The following MICU2 variants were observed in gnomAD, a reference collection of about 807,000 sequenced individuals.
The protein encoded by MICU2 is calcium uptake protein 2, mitochondrial.
In MICU2, 64 loss-of-function variants were observed where a neutral mutation model predicts 60.4. The ratio of observed to expected loss-of-function variants is 1.06; its 90% confidence interval spans 0.87 to 1.31. The LOEUF is 1.31. Among genes scored for constraint, MICU2 ranks in the 50% most tolerant of loss-of-function variants. The probability of loss-of-function intolerance (pLI) is 0.00; values close to 1 mark genes in which losing one functional copy is unlikely to be tolerated. For missense variants in MICU2, 569 were observed against 531.0 expected, an observed-to-expected ratio of 1.07 and a Z score of -0.70; for synonymous variants, 201 against 175.0, an observed-to-expected ratio of 1.15 and a Z score of -1.17.
At chr13:21,575,825 T>C (rs913282007) in intron 1 of MICU2, among the ~76,000 whole-genome samples, 22 of 149,764 alleles carry the variant, frequency 1.5e-4, no homozygotes, top group Non-Finnish European at 2.5e-4. Context: ...ATTGCAACTA[T>C]AACTAAATAA....
intron 1 of MICU2, among the ~76,000 whole-genome samples, chr13:21,577,318 G>A (rs1888247633): frequency 6.6e-6 from 1 of 152,158 alleles, no homozygotes; most frequent in Non-Finnish European, 1.5e-5. Flanking sequence ...AGCTAAGCAT[G>A]TAATATAGCC....
At chr13:21,550,847 A>G (rs1350668962) in intron 2 of MICU2, among the ~76,000 whole-genome samples, 2 of 152,188 alleles carry the variant, frequency 1.3e-5, no homozygotes, top group African/African-American at 4.8e-5. Context: ...ACCTAGACTA[A>G]TAGCTTATAT....
intron 2 of MICU2, among the ~76,000 whole-genome samples, chr13:21,562,681 C>T (rs538241311): frequency 1.4e-3 from 206 of 152,316 alleles, no homozygotes; most frequent in African/African-American, 4.8e-3. Flanking sequence ...ATTCCTCCCT[C>T]CTGTCCCTTA....
chr13:21,524,251 A>G (rs1294562972), intron 4 of MICU2, among the ~76,000 whole-genome samples: 1 of 152,174 alleles, frequency 6.6e-6, no homozygotes, highest in Admixed American at 6.5e-5. Context: ...GAATAATTAT[A>G]TATAATTATA....
At chr13:21,512,445 A>AT (rs139822285) in intron 7 of MICU2, among the ~76,000 whole-genome samples, 26,407 of 125,228 alleles carry the variant, frequency 0.21, 3,890 homozygotes, top group East Asian at 0.64. Context: ...CAAATTTTTA[A>AT]TTTTTTTTTT....
At chr13:21,587,825 T>C (rs1364707023) in intron 1 of MICU2, among the ~76,000 whole-genome samples, 1 of 152,170 alleles carries the variant, frequency 6.6e-6, no homozygotes, top group Non-Finnish European at 1.5e-5. Flanking sequence ...TACTTCAGAA[T>C]GGTAGTTATA....
At position 21,566,819 on chromosome 13, in the gene MICU2, TGAG is replaced by T. The variant is rs751491033; in HGVS notation, c.333_335del (p.Phe111_Ser112delinsLeu). On this transcript the variant is annotated inframe_deletion, in exon 2 of 12. Coordinates refer to ENST00000382374, the MANE Select transcript of MICU2 (RefSeq NM_152726.3). ...CACGTTCCATTTGCTCAAACATCAC[TGAG>T]AAGAGGAAGTCTCGTGGTGTCATAT... 2.8e-5 allele frequency: 45 copies of T among 1,597,836 alleles called. No individual in the cohort carries two copies. Among genetic ancestry groups the T allele is most frequent in the Non-Finnish European group, 3.7e-5 (43 of 1,173,084 alleles).
intron 1 of MICU2, among the ~76,000 whole-genome samples, chr13:21,571,440 G>A (rs1441203692): frequency 6.6e-6 from 1 of 152,200 alleles, no homozygotes; most frequent in Non-Finnish European, 1.5e-5. Flanking sequence ...GCTCACGCCT[G>A]TAATCCCAGC....
chr13:21,586,449 C>T (rs1218043601), intron 1 of MICU2, among the ~76,000 whole-genome samples: 2 of 152,118 alleles, frequency 1.3e-5, no homozygotes, highest in South Asian at 4.1e-4. Context: ...GGTCTGCCGT[C>T]TAGGCTAGAA....
At chr13:21,518,945 C>T (rs867211404) in intron 6 of MICU2, among the ~76,000 whole-genome samples, 18 of 152,294 alleles carry the variant, frequency 1.2e-4, no homozygotes, top group African/African-American at 3.9e-4. Context: ...TCTGTGGTGT[C>T]GGTCCCCACG....
intron 4 of MICU2, chr13:21,530,629 T>C (rs995403449): frequency 1.8e-5 from 5 of 280,780 alleles, no homozygotes; most frequent in Non-Finnish European, 3.3e-5. Context: ...AGAAAGATTA[T>C]CTACTATGTC....
chr13:21,500,158 A>G (rs1356970534), intron 9 of MICU2, among the ~76,000 whole-genome samples: 1 of 151,434 alleles, frequency 6.6e-6, no homozygotes, highest in Non-Finnish European at 1.5e-5. Context: ...CATCATGCCC[A>G]TGGGGCTTGG....
chr13:21,509,724 G>T (rs963311688), intron 8 of MICU2, among the ~76,000 whole-genome samples: 1 of 152,206 alleles, frequency 6.6e-6, no homozygotes, highest in Non-Finnish European at 1.5e-5. Context: ...GACGCTAGGC[G>T]CATGGTTCTT....
At chr13:21,552,789 ATC>A (rs921403120) in intron 2 of MICU2, among the ~76,000 whole-genome samples, 222 of 152,240 alleles carry the variant, frequency 1.5e-3, no homozygotes, top group African/African-American at 5.1e-3. Flanking sequence ...ATTGATCTAT[ATC>A]TCTGTTTTGG....
intron 2 of MICU2, among the ~76,000 whole-genome samples, chr13:21,555,989 C>G (rs759753741): frequency 6.6e-6 from 1 of 152,154 alleles, no homozygotes; most frequent in Non-Finnish European, 1.5e-5. Flanking sequence ...CCTGCACTGC[C>G]AAGTTTTCCT....
chr13:21,529,154 GATAA>G (rs1372507997), intron 4 of MICU2, among the ~76,000 whole-genome samples: 1 of 152,130 alleles, frequency 6.6e-6, no homozygotes, highest in Non-Finnish European at 1.5e-5. Context: ...AGATGAATTC[GATAA>G]ATACTTAGGT....
At chr13:21,566,466 T>C (rs989134615) in intron 2 of MICU2, among the ~76,000 whole-genome samples, 35 of 152,092 alleles carry the variant, frequency 2.3e-4, no homozygotes, top group Non-Finnish European at 5.9e-5. Context: ...ATGACTGCAT[T>C]AAGCAGCTCT....
chr13:21,500,711 G>A (rs993100702), intron 9 of MICU2, among the ~76,000 whole-genome samples: 6 of 152,038 alleles, frequency 3.9e-5, no homozygotes, highest in Admixed American at 6.5e-5. Context: ...GAGCCACCAC[G>A]CCCGGCCAAT....
chr13:21,596,696 T>G (rs1888699700), intron 1 of MICU2, among the ~76,000 whole-genome samples: 1 of 152,178 alleles, frequency 6.6e-6, no homozygotes, highest in African/African-American at 2.4e-5. Flanking sequence ...AGTGCTGGGA[T>G]GACAGGCATG....
Sources: gnomAD v4.1 joint callset for allele counts (sites outside exome capture counted in the v4.1 genomes callset) on GRCh38, gnomAD v4.1.1 for gene constraint, MANE v1.5 for transcripts, NCBI Gene and HGNC (gene_info 2026-07-23, HGNC 2026-07-21) for gene names.